Variants in ZNF713 observed in about 807,000 individuals in gnomAD.
ZNF713 encodes zinc finger protein 713.
Under a neutral mutation model 28.7 loss-of-function variants are expected in ZNF713, and 21 were observed. The ratio of observed to expected loss-of-function variants is 0.73; its 90% CI spans 0.52 to 1.05. ZNF713 has a LOEUF of 1.05. Ranked by LOEUF, ZNF713 falls within the 50% of genes least tolerant of loss-of-function variation. The pLI, the probability that ZNF713 is intolerant of heterozygous loss-of-function variation, is 0.00. For synonymous variants in ZNF713, 167 were observed against 178.0 expected, an observed-to-expected ratio of 0.94 and a Z score of 0.49; for missense variants, 458 against 532.4, an observed-to-expected ratio of 0.86 and a Z score of 1.37.
intron 4 of ZNF713, among the ~76,000 whole-genome samples, chr7:55,916,871 C>T (rs1785889817): frequency 6.6e-6 from 1 of 152,102 alleles, no homozygotes; most frequent in Non-Finnish European, 1.5e-5. Flanking sequence ...ATAACTTTCA[C>T]CAAAGAAAAA....
intron 6 of ZNF713, among the ~76,000 whole-genome samples, chr7:55,932,540 A>AG (rs1437510035): frequency 1.3e-5 from 2 of 151,698 alleles, no homozygotes; most frequent in Non-Finnish European, 2.9e-5. Context: ...AAAAAAAAAA[A>AG]AAATCTAATA....
At chr7:55,915,863 G>A (rs1050919544) in intron 4 of ZNF713, among the ~76,000 whole-genome samples, 10 of 152,134 alleles carry the variant, frequency 6.6e-5, no homozygotes, top group African/African-American at 1.4e-4. Context: ...AACATAATAA[G>A]TAATCCAATT....
chr7:55,931,041 A>G (rs908455412), intron 6 of ZNF713, among the ~76,000 whole-genome samples: 2 of 152,182 alleles, frequency 1.3e-5, no homozygotes, highest in African/African-American at 4.8e-5. Flanking sequence ...TAATCCCAGC[A>G]CTTGGGAGAC....
intron 6 of ZNF713, among the ~76,000 whole-genome samples, chr7:55,936,281 A>AAAT: frequency 6.6e-6 from 1 of 151,252 alleles, no homozygotes; most frequent in South Asian, 2.1e-4. Flanking sequence ...AAAAAAAAAA[A>AAAT]TCTGAGAGGG....
intron 6 of ZNF713, among the ~76,000 whole-genome samples, chr7:55,935,029 C>T (rs556513086): frequency 6.6e-6 from 1 of 151,824 alleles, no homozygotes; most frequent in Non-Finnish European, 1.5e-5. Context: ...GCTGGGATTA[C>T]AGACATGCAC....
intron 1 of ZNF713, among the ~76,000 whole-genome samples, chr7:55,898,434 G>C (rs1785513205): frequency 1.3e-5 from 2 of 152,304 alleles, no homozygotes; most frequent in Admixed American, 6.5e-5. Flanking sequence ...TCCTGTACAG[G>C]CTGTACAGGA....
chr7:55,904,992 C>G (rs1239349732), intron 1 of ZNF713, among the ~76,000 whole-genome samples: 1 of 152,138 alleles, frequency 6.6e-6, no homozygotes, highest in Non-Finnish European at 1.5e-5. Flanking sequence ...TCCCAAAGTG[C>G]TGGATTACAG....
chr7:55,893,615 G>A (rs1562734513), intron 1 of ZNF713, among the ~76,000 whole-genome samples: 1 of 151,998 alleles, frequency 6.6e-6, no homozygotes, highest in Non-Finnish European at 1.5e-5. Context: ...GAGTTTTGCT[G>A]GTTGCCAAGG....
In ZNF713 at chr7:55,940,186, A is replaced by G; in HGVS notation, c.*180A>G. The G allele has an allele frequency of 1.7e-6, 2 of 1,156,104 alleles. No homozygotes were observed. Among genetic ancestry groups the G allele is most frequent in the Non-Finnish European group, 2.3e-6 (2 of 871,414 alleles). 71.6% of individuals were successfully genotyped at this position (1,156,104 alleles called of 1,614,324 possible). A position where few individuals can be genotyped will look rare whatever the true frequency, so the allele number is the denominator to read the frequency against. On this transcript the variant is annotated 3_prime_UTR_variant, in exon 7 of 7. Transcript: ENST00000429591. ...CACCCAGGCTGAAGTGCAGTGGTAC[A>G]ATCTTGGCTCACTGCAACCTCTGCC...
At chr7:55,893,249 A>G (rs555510877) in intron 1 of ZNF713, among the ~76,000 whole-genome samples, 1 of 152,296 alleles carries the variant, frequency 6.6e-6, no homozygotes, top group South Asian at 2.1e-4. Flanking sequence ...ACAGGGAAAC[A>G]TAAACATAAA....
intron 2 of ZNF713, among the ~76,000 whole-genome samples, chr7:55,908,564 C>A (rs1304473661): frequency 6.7e-6 from 1 of 150,162 alleles, no homozygotes; most frequent in African/African-American, 2.4e-5. Context: ...TTCATATGTT[C>A]GTTGGCTGCT....
intron 6 of ZNF713, among the ~76,000 whole-genome samples, chr7:55,932,840 C>T (rs1458822632): frequency 2.3e-5 from 3 of 131,482 alleles, no homozygotes; most frequent in Non-Finnish European, 3.1e-5. Flanking sequence ...GCCGAGATTG[C>T]GCCACTGCAG....
intron 1 of ZNF713, among the ~76,000 whole-genome samples, chr7:55,900,126 T>A (rs2116183793): frequency 6.6e-6 from 1 of 152,302 alleles, no homozygotes; most frequent in Middle Eastern, 3.4e-3. Context: ...TTATTCACTG[T>A]AGTCAAGATA....
At chr7:55,919,123 G>A (rs1785937361) in intron 4 of ZNF713, among the ~76,000 whole-genome samples, 1 of 152,112 alleles carries the variant, frequency 6.6e-6, no homozygotes, top group African/African-American at 2.4e-5. Context: ...TAAAATGTGA[G>A]GGAAAAAGAT....
At chr7:55,908,132 GTTGTTTTTTTTTTTTTT>G (rs1468093747) in intron 2 of ZNF713, among the ~76,000 whole-genome samples, 1 of 110,980 alleles carries the variant, frequency 9.0e-6, no homozygotes, top group Non-Finnish European at 1.8e-5. Context: ...AACATCCGTT[GTTGTTTTTTTTTTTTTT>G]TTTTTTTTTT....
chr7:55,915,659 C>T (rs1785869987), intron 4 of ZNF713, among the ~76,000 whole-genome samples: 1 of 152,074 alleles, frequency 6.6e-6, no homozygotes. Context: ...AAATCATCTG[C>T]AAAAATCACG....
intron 6 of ZNF713, chr7:55,924,873 C>G (rs1465011112): frequency 6.6e-6 from 1 of 151,830 alleles, no homozygotes; most frequent in Non-Finnish European, 1.5e-5. Context: ...AACTCCATCT[C>G]AAAAATAAAA....
At position 55,911,852 on chromosome 7, in the gene ZNF713, A is replaced by G. The variant is rs1785789730; in HGVS notation, c.-219A>G. ...TCCATTGGCTCCTGAGGCTCTAATCAGAGATGGGGCACCTTTAGTACCAGG... is the reference window on the plus strand; with the variant it reads ...TCCATTGGCTCCTGAGGCTCTAATCGGAGATGGGGCACCTTTAGTACCAGG... On this transcript the variant is annotated 5_prime_UTR_variant, in exon 3 of 7. Coordinates refer to ENST00000429591, the MANE Select transcript of ZNF713 (RefSeq NM_182633.3). 1 of 152,154 alleles carries G rather than the reference A, an allele frequency of 6.6e-6. No homozygotes were observed. Among genetic ancestry groups the G allele is most frequent in the African/African-American group, 2.4e-5 (1 of 41,434 alleles). 9.4% of individuals were successfully genotyped at this position (152,154 alleles called of 1,614,324 possible).
chr7:55,913,195 C>CTTTTTTTTTTTTTTTTTTTTTTTTTTTTT (rs66851959), intron 4 of ZNF713, among the ~76,000 whole-genome samples: 1 of 88,140 alleles, frequency 1.1e-5, no homozygotes, highest in African/African-American at 4.8e-5. Flanking sequence ...GTTTTGATTC[C>CTTTTTTTTTTTTTTTTTTTTTTTTTTTTT]TTTTTTTTTT....
Sources: allele counts gnomAD v4.1 joint callset (sites outside exome capture counted in the v4.1 genomes callset), GRCh38; gene constraint gnomAD v4.1.1; transcripts MANE v1.5; gene names NCBI Gene and HGNC (gene_info 2026-07-23, HGNC 2026-07-21).